The following RGS9 variants were observed in gnomAD, a reference collection of about 807,000 sequenced individuals.
RGS9 encodes regulator of G protein signaling 9.
In RGS9, 78 loss-of-function variants were observed where a neutral mutation model predicts 102.0. That is an observed-to-expected ratio of 0.76 (90% confidence interval 0.64 to 0.92). The LOEUF is 0.92. Ranked by LOEUF, RGS9 falls within the 40% of genes least tolerant of loss-of-function variation. The probability of loss-of-function intolerance (pLI) is 0.00; values close to 1 mark genes in which losing one functional copy is unlikely to be tolerated. For synonymous variants in RGS9, 353 were observed against 318.6 expected (o/e 1.11, Z -1.15); for missense variants, 833 against 866.1 (o/e 0.96, Z 0.48).
intron 9 of RGS9, among the ~76,000 whole-genome samples, chr17:65,182,951 T>C (rs775592779): frequency 6.6e-6 from 1 of 152,232 alleles, no homozygotes; most frequent in Non-Finnish European, 1.5e-5. Flanking sequence ...TTGTAAGCAA[T>C]TCTACCTCTA....
chr17:65,216,768 T>A (rs543622164), intron 17 of RGS9, among the ~76,000 whole-genome samples: 1 of 152,336 alleles, frequency 6.6e-6, no homozygotes, highest in East Asian at 1.9e-4. Flanking sequence ...GATGCAGAAC[T>A]GAATAAGATC....
chr17:65,210,749 A>C (rs1379815751), intron 17 of RGS9, 144 bp downstream of exon 17: 1 of 1,397,062 alleles, frequency 7.2e-7, no homozygotes, highest in Non-Finnish European at 9.7e-7. Flanking sequence ...TCCATTCCCC[A>C]TTTGTGGAGG....
chr17:65,179,584 G>A (rs989194155), intron 9 of RGS9, among the ~76,000 whole-genome samples: 1 of 151,812 alleles, frequency 6.6e-6, no homozygotes, highest in Non-Finnish European at 1.5e-5. Flanking sequence ...GAGATGGGGG[G>A]GTGGGAACAA....
intron 9 of RGS9, chr17:65,188,852 C>T (rs146131000): frequency 0.039 from 7,828 of 200,454 alleles, 267 homozygotes; most frequent in African/African-American, 0.089. Context: ...TGGGCTCAAG[C>T]GATCCTCCCT....
intron 16 of RGS9, among the ~76,000 whole-genome samples, 187 bp from the exon 17 acceptor site, chr17:65,210,301 C>T (rs1293013836): frequency 6.6e-6 from 1 of 152,218 alleles, no homozygotes; most frequent in Non-Finnish European, 1.5e-5. Flanking sequence ...GGTACTCACT[C>T]TGGTCTCATC....
rs1182726320 is a variant in RGS9 at position 65,173,445 on chromosome 17, C to T, written c.583-4287C>T. Among the ~76,000 whole-genome samples the T allele has an allele frequency of 1.3e-5, 2 of 152,008 alleles. No homozygotes were observed. Among genetic ancestry groups the T allele is most frequent in the East Asian group, 3.9e-4 (2 of 5,170 alleles). On this transcript the variant is annotated intron_variant, in intron 8 of 18. Transcript: ENST00000262406. The surrounding 1 kb of genome is among the most constrained non-coding windows in gnomAD (Gnocchi z 4.8). ...ATGTGGGTTCCTGGGAACATCGCCT[C>T]CTCACGAGCAGTTGTCACGAGTACA...
intron 15 of RGS9, among the ~76,000 whole-genome samples, chr17:65,206,318 C>T (rs906729938): frequency 5.9e-5 from 9 of 152,204 alleles, no homozygotes; most frequent in East Asian, 1.9e-4. Flanking sequence ...TGTTACTAGA[C>T]GATTCACAGC....
intron 13 of RGS9, among the ~76,000 whole-genome samples, chr17:65,199,329 C>T (rs1322317398): frequency 2.0e-5 from 3 of 152,088 alleles, no homozygotes; most frequent in Non-Finnish European, 2.9e-5. Flanking sequence ...CACCCCAGCC[C>T]TAGGCAACCA....
chr17:65,174,575 G>C (rs1911549686), intron 8 of RGS9, among the ~76,000 whole-genome samples: 1 of 151,634 alleles, frequency 6.6e-6, no homozygotes, highest in African/African-American at 2.4e-5. Flanking sequence ...GTGAGTGTGA[G>C]TGTGCATATG....
chr17:65,183,407 G>T (rs2144048778), intron 9 of RGS9, among the ~76,000 whole-genome samples: 1 of 152,234 alleles, frequency 6.6e-6, no homozygotes, highest in East Asian at 1.9e-4. Flanking sequence ...ACAGATGTGA[G>T]CCACCACGCC....
At chr17:65,176,829 G>T (rs886426845) in intron 8 of RGS9, among the ~76,000 whole-genome samples, 3 of 145,028 alleles carry the variant, frequency 2.1e-5, no homozygotes, top group African/African-American at 7.8e-5. Flanking sequence ...ATTCATCCAT[G>T]CATCCATCCC....
rs147798009 is a variant in RGS9 at position 65,209,868 on chromosome 17, A to G, written c.1290-620A>G. On this transcript the variant is annotated intron_variant, in intron 16 of 18. Transcript: ENST00000262406. Reference sequence around the variant, plus strand: ...TGAGGCGGATGGATCAGTTGAGGTCAGGAGTTTGAGACCAGCCTGGCCAAC... The same window carrying G: ...TGAGGCGGATGGATCAGTTGAGGTCGGGAGTTTGAGACCAGCCTGGCCAAC... Among the ~76,000 whole-genome samples the G allele has an allele frequency of 3.6e-3, 542 of 152,320 alleles. 5 individuals carry two copies. The highest frequency in any genetic ancestry group is 0.012 in the African/African-American group (514 of 41,570).
At chr17:65,207,578 C>T (rs1423440673) in intron 15 of RGS9, among the ~76,000 whole-genome samples, 1 of 152,200 alleles carries the variant, frequency 6.6e-6, no homozygotes, top group Non-Finnish European at 1.5e-5. Context: ...CAACTGGCTA[C>T]ATTTACAACA....
chr17:65,168,726 C>T (rs888178179), intron 8 of RGS9, among the ~76,000 whole-genome samples: 1 of 152,058 alleles, frequency 6.6e-6, no homozygotes. Flanking sequence ...TTTTCCTCTC[C>T]TAGATCCAGT....
rs374405338 is a variant in RGS9, at chr17:65,168,118, C to T, written c.501-82C>T. The T allele has an allele frequency of 4.1e-5, 36 of 883,020 alleles. No homozygotes were observed. In the Middle Eastern group the frequency reaches 6.6e-4, roughly 16 times the overall value. 54.7% of individuals were successfully genotyped at this position (883,020 alleles called of 1,614,324 possible). A position where few individuals can be genotyped will look rare whatever the true frequency, so the allele number is the denominator to read the frequency against. On this transcript the variant is annotated intron_variant, in intron 7 of 18. Coordinates refer to ENST00000262406, the MANE Select transcript of RGS9 (RefSeq NM_003835.4). ...TACTTGGGCAGGTTGGGAGAGGGGT[C>T]TAGGTCATCAGGAATGAGGGGCATC...
At chr17:65,140,190 C>T (rs757883714) in intron 1 of RGS9, among the ~76,000 whole-genome samples, 7 of 152,138 alleles carry the variant, frequency 4.6e-5, no homozygotes, top group Non-Finnish European at 8.8e-5. Flanking sequence ...CAGGAGTGGT[C>T]GTTGTCTGTC....
chr17:65,212,176 G>A (rs555450339), intron 17 of RGS9, among the ~76,000 whole-genome samples: 1 of 152,342 alleles, frequency 6.6e-6, no homozygotes, highest in South Asian at 2.1e-4. Context: ...AAGTCATAAA[G>A]CCAGCCTAGA....
intron 17 of RGS9, among the ~76,000 whole-genome samples, chr17:65,223,608 C>A (rs927720510): frequency 3.9e-5 from 6 of 152,228 alleles, no homozygotes; most frequent in African/African-American, 9.7e-5. Flanking sequence ...GGGGGCAGTG[C>A]CCAGATCCCG....
intron 12 of RGS9, among the ~76,000 whole-genome samples, chr17:65,195,526 C>A (rs140974828): frequency 6.6e-6 from 1 of 152,056 alleles, no homozygotes; most frequent in South Asian, 2.1e-4. Flanking sequence ...AACTGTGCCG[C>A]GTACACTGAA....
Sources: gnomAD v4.1 joint callset for allele counts (sites outside exome capture counted in the v4.1 genomes callset) on GRCh38, gnomAD v4.1.1 for gene constraint, Gnocchi (gnomAD v3.1) non-coding constraint, MANE v1.5 for transcripts, NCBI Gene and HGNC (gene_info 2026-07-23, HGNC 2026-07-21) for gene names.